Variants in ACACA observed in about 807,000 individuals in gnomAD.
ACACA encodes acetyl-CoA carboxylase alpha.
ACACA carries 103 observed loss-of-function variants against 296.1 expected under a neutral mutation model. The ratio of observed to expected loss-of-function variants is 0.35; its 90% CI spans 0.30 to 0.41. The LOEUF is 0.41. Ranked by LOEUF, ACACA falls within the 10% of genes least tolerant of loss-of-function variation. ACACA has a pLI of 1.00. For synonymous variants in ACACA, 953 were observed against 1,038.6 expected (o/e 0.92, Z 1.58); for missense variants, 1,554 against 2,989.7 (o/e 0.52, Z 11.20).
At chr17:37,188,534 T>C in intron 38 of ACACA, 54 bp from the exon 39 acceptor site, 1 of 1,583,074 alleles carries the variant, frequency 6.3e-7, no homozygotes, top group South Asian at 1.1e-5. Flanking sequence ...AACTAAGACC[T>C]GTTTCAGGTC....
intron 2 of ACACA, among the ~76,000 whole-genome samples, chr17:37,334,971 G>C (rs1396248217): frequency 6.6e-6 from 1 of 152,148 alleles, no homozygotes; most frequent in East Asian, 1.9e-4. Context: ...AATCCCAGTT[G>C]TCCTGGAGGA....
intron 1 of ACACA, 130 bp from the exon 2 acceptor site, chr17:37,339,980 TTTAAC>T: frequency 1.8e-6 from 1 of 543,436 alleles, no homozygotes; most frequent in South Asian, 2.7e-5. Flanking sequence ...AAATCTATTA[TTTAAC>T]TTAAAGCACA....
At chr17:37,337,230 T>C (rs1398340997) in intron 2 of ACACA, among the ~76,000 whole-genome samples, 1 of 151,994 alleles carries the variant, frequency 6.6e-6, no homozygotes, top group East Asian at 1.9e-4. Flanking sequence ...CTGGGCACTA[T>C]AGTGAGATCC....
intron 1 of ACACA, among the ~76,000 whole-genome samples, chr17:37,379,539 T>C (rs551089649): frequency 5.9e-5 from 9 of 152,328 alleles, no homozygotes; most frequent in African/African-American, 2.2e-4. Context: ...TTTGAGTTCA[T>C]TGTAGATTCT....
At chr17:37,165,108 C>T (rs561145088) in intron 41 of ACACA, among the ~76,000 whole-genome samples, 4 of 151,960 alleles carry the variant, frequency 2.6e-5, no homozygotes, top group South Asian at 2.1e-4. Flanking sequence ...GCTCATCGAC[C>T]GCCTCCCCAC....
At chr17:37,373,612 ACT>A (rs1027269304) in intron 1 of ACACA, among the ~76,000 whole-genome samples, 2 of 151,964 alleles carry the variant, frequency 1.3e-5, no homozygotes, top group African/African-American at 4.8e-5. Context: ...ATCAAAGAAA[ACT>A]CTTAGACTTC....
intron 1 of ACACA, among the ~76,000 whole-genome samples, chr17:37,367,250 T>C (rs990047908): frequency 1.3e-5 from 2 of 149,706 alleles, no homozygotes; most frequent in East Asian, 3.9e-4. Flanking sequence ...GAAGAAAGAA[T>C]AAAGACAACA....
At chr17:37,169,266 C>T (rs2076798581) in intron 41 of ACACA, among the ~76,000 whole-genome samples, 2 of 152,184 alleles carry the variant, frequency 1.3e-5, no homozygotes, top group African/African-American at 4.8e-5. Context: ...GCACCATAGC[C>T]ATTTCCAGCT....
At chr17:37,339,708 A>G in intron 2 of ACACA, 96 bp downstream of exon 2, 1 of 802,992 alleles carries the variant, frequency 1.2e-6, no homozygotes, top group Non-Finnish European at 2.1e-6. Context: ...ATTTTGTGGA[A>G]GTCAACTTTT....
chr17:37,395,627 C>T (rs1016105635), intron 1 of ACACA, among the ~76,000 whole-genome samples: 2 of 151,962 alleles, frequency 1.3e-5, no homozygotes, highest in African/African-American at 4.8e-5. Context: ...TCACCGCAAC[C>T]TCCGCCCGGG....
At chr17:37,172,526 A>G (rs2076919300) in intron 41 of ACACA, among the ~76,000 whole-genome samples, 1 of 152,234 alleles carries the variant, frequency 6.6e-6, no homozygotes, top group South Asian at 2.1e-4. Flanking sequence ...CATTTTAGAC[A>G]AAGACTTGCA....
At chr17:37,285,078 C>G in intron 3 of ACACA, 108 bp from the exon 4 acceptor site, 1 of 1,258,080 alleles carries the variant, frequency 7.9e-7, no homozygotes, top group Non-Finnish European at 1.2e-6. Context: ...GTGAAGACTG[C>G]ATGCTGGCAG....
At chr17:37,372,492 G>A (rs545593177) in intron 1 of ACACA, among the ~76,000 whole-genome samples, 3 of 151,222 alleles carry the variant, frequency 2.0e-5, no homozygotes, top group Admixed American at 6.6e-5. Context: ...AAGCCATTTT[G>A]TCTAACCACC....
intron 45 of ACACA, chr17:37,141,014 T>C: frequency 2.5e-6 from 1 of 407,852 alleles, no homozygotes; most frequent in South Asian, 2.0e-5. Flanking sequence ...TTGGCCAGGA[T>C]GATGGCCCCA....
At chr17:37,384,577 A>G (rs2050446128) in intron 1 of ACACA, among the ~76,000 whole-genome samples, 1 of 152,106 alleles carries the variant, frequency 6.6e-6, no homozygotes, top group Non-Finnish European at 1.5e-5. Flanking sequence ...AAAAAAACAC[A>G]GATAACTTGT....
At chr17:37,125,884 G>T in intron 47 of ACACA, 90 bp from the exon 48 acceptor site, 1 of 1,166,114 alleles carries the variant, frequency 8.6e-7, no homozygotes, top group Non-Finnish European at 1.3e-6. Context: ...TGGTTTGGGG[G>T]ATTATTTTGG....
At chr17:37,121,256 T>A (rs887061013) in intron 50 of ACACA, 99 bp downstream of exon 50, 85 of 1,546,966 alleles carry the variant, frequency 5.5e-5, no homozygotes, top group Admixed American at 2.0e-4. Context: ...GCCTAGGCTA[T>A]TAGGACACCC....
At chr17:37,288,499 C>T (rs2146673203) in intron 3 of ACACA, among the ~76,000 whole-genome samples, 1 of 152,298 alleles carries the variant, frequency 6.6e-6, no homozygotes, top group South Asian at 2.1e-4. Flanking sequence ...TGGGAACCGA[C>T]TGCAAGGGAG....
chr17:37,221,228 T>C (rs146619886), intron 29 of ACACA, among the ~76,000 whole-genome samples: 9 of 152,320 alleles, frequency 5.9e-5, no homozygotes, highest in Admixed American at 2.6e-4. Context: ...GGTTCTGCAA[T>C]GTAATTTTTA....
Sources: allele counts gnomAD v4.1 joint callset (sites outside exome capture counted in the v4.1 genomes callset), GRCh38; gene constraint gnomAD v4.1.1; transcripts MANE v1.5; gene names NCBI Gene and HGNC (gene_info 2026-07-23, HGNC 2026-07-21).